Variants in NOX4 observed in about 807,000 individuals in gnomAD.
The protein encoded by NOX4 is NADPH oxidase 4.
NOX4 carries 69 observed loss-of-function variants against 87.6 expected under a neutral mutation model. That is an observed-to-expected ratio of 0.79 (90% CI 0.65 to 0.96). The LOEUF (loss-of-function observed/expected upper bound fraction) is 0.96. Among genes scored for constraint, NOX4 ranks in the 40% least tolerant of loss-of-function variants. The pLI is 0.00. For missense variants in NOX4, 680 were observed against 681.5 expected, an observed-to-expected ratio of 1.00 and a Z score of 0.02; for synonymous variants, 275 against 238.2, an observed-to-expected ratio of 1.15 and a Z score of -1.42.
the NOX4 span, among the ~76,000 whole-genome samples, chr11:89,511,745 C>G: frequency 2.0e-5 from 3 of 151,932 alleles, no homozygotes; most frequent in South Asian, 6.2e-4. Context: ...AATTATTTTT[C>G]AGGTTTCTTG....
At chr11:89,367,292 A>T (rs1318759545) in intron 12 of NOX4, among the ~76,000 whole-genome samples, 1 of 152,104 alleles carries the variant, frequency 6.6e-6, no homozygotes, top group Non-Finnish European at 1.5e-5. Context: ...GCTGCTAATC[A>T]CAAGCCAGAT....
At chr11:89,517,307 T>G in the NOX4 span, among the ~76,000 whole-genome samples, 1 of 152,026 alleles carries the variant, frequency 6.6e-6, no homozygotes, top group Non-Finnish European at 1.5e-5. Context: ...GATTATCGAG[T>G]TTTTAAGTTC....
At chr11:89,552,322 T>A in the NOX4 span, among the ~76,000 whole-genome samples, 3 of 152,206 alleles carry the variant, frequency 2.0e-5, no homozygotes, top group African/African-American at 7.2e-5. Context: ...CATATTTTTA[T>A]CTGCTGTACT....
At chr11:89,561,023 TACACACACAC>T in the NOX4 span, among the ~76,000 whole-genome samples, 1 of 71,314 alleles carries the variant, frequency 1.4e-5, no homozygotes, top group African/African-American at 5.8e-5. Flanking sequence ...TATATATACA[TACACACACAC>T]ATACACATAT....
At chr11:89,587,168 C>T in the NOX4 span, among the ~76,000 whole-genome samples, 1 of 151,926 alleles carries the variant, frequency 6.6e-6, no homozygotes. Context: ...AGAATGAATT[C>T]AAGACAAATG....
chr11:89,411,583 C>T (rs888554259), intron 8 of NOX4, among the ~76,000 whole-genome samples: 4 of 151,932 alleles, frequency 2.6e-5, no homozygotes, highest in African/African-American at 7.3e-5. Flanking sequence ...GCAGTAGCTA[C>T]GCAGTACCTC....
intron 8 of NOX4, among the ~76,000 whole-genome samples, chr11:89,421,595 C>A (rs1337335613): frequency 6.6e-6 from 1 of 152,038 alleles, no homozygotes; most frequent in Non-Finnish European, 1.5e-5. Context: ...TGATGTTCTT[C>A]ATTCTTAAAT....
intron 2 of NOX4, among the ~76,000 whole-genome samples, chr11:89,453,013 C>T (rs1565312185): frequency 6.6e-6 from 1 of 150,800 alleles, no homozygotes; most frequent in Non-Finnish European, 1.5e-5. Context: ...CACTGGAGTA[C>T]AGCCTGGGTG....
chr11:89,378,888 T>C (rs1246251215), intron 11 of NOX4, among the ~76,000 whole-genome samples: 2 of 152,198 alleles, frequency 1.3e-5, no homozygotes, highest in Non-Finnish European at 2.9e-5. Context: ...CCACAATTAA[T>C]GCAACATCAT....
At chr11:89,359,516 A>T (rs899272651) in intron 12 of NOX4, among the ~76,000 whole-genome samples, 2 of 151,566 alleles carry the variant, frequency 1.3e-5, no homozygotes, top group Admixed American at 1.3e-4. Flanking sequence ...ACCTCTTACC[A>T]CTACAAAAAA....
intron 2 of NOX4, among the ~76,000 whole-genome samples, chr11:89,477,201 T>C (rs977749621): frequency 3.9e-5 from 6 of 152,204 alleles, no homozygotes. Context: ...TGAGCCTGTT[T>C]GCCTGAAACT....
intron 2 of NOX4, among the ~76,000 whole-genome samples, chr11:89,486,569 CATAT>C (rs1196921823): frequency 6.6e-5 from 8 of 120,618 alleles, no homozygotes; most frequent in Admixed American, 4.9e-4. Context: ...TGTATATATA[CATAT>C]ATATGTGTGT....
intron 2 of NOX4, among the ~76,000 whole-genome samples, chr11:89,460,423 G>T (rs1309840408): frequency 6.6e-6 from 1 of 152,116 alleles, no homozygotes; most frequent in Admixed American, 6.5e-5. Context: ...CTGACAAAGG[G>T]CTAATATCCA....
the NOX4 span, among the ~76,000 whole-genome samples, chr11:89,561,155 T>C: frequency 3.6e-5 from 5 of 138,820 alleles, no homozygotes; most frequent in Admixed American, 3.0e-4. Context: ...CCACCTCTCT[T>C]TCAAAGTTTG....
the NOX4 span, among the ~76,000 whole-genome samples, chr11:89,575,188 A>C: frequency 6.6e-6 from 1 of 152,192 alleles, no homozygotes; most frequent in Non-Finnish European, 1.5e-5. Context: ...CATCTAAAAA[A>C]AAAAAAAAGA....
intron 17 of NOX4, among the ~76,000 whole-genome samples, chr11:89,328,537 C>A (rs1258183643): frequency 6.6e-6 from 1 of 152,048 alleles, no homozygotes; most frequent in Non-Finnish European, 1.5e-5. Context: ...ACAAGTCCAA[C>A]ACTATTAAAA....
the NOX4 span, among the ~76,000 whole-genome samples, chr11:89,531,809 G>A: frequency 6.6e-6 from 1 of 152,236 alleles, no homozygotes. Context: ...GGGAAAAACA[G>A]TTTTCTGGGC....
chr11:89,582,075 A>G, the NOX4 span, among the ~76,000 whole-genome samples: 54 of 152,102 alleles, frequency 3.6e-4, no homozygotes, highest in African/African-American at 1.2e-3. Flanking sequence ...CTCTTGTTCT[A>G]TTAGGTTGAC....
the NOX4 span, among the ~76,000 whole-genome samples, chr11:89,526,703 C>T: frequency 6.6e-6 from 1 of 152,106 alleles, no homozygotes; most frequent in African/African-American, 2.4e-5. Flanking sequence ...AAAGAAGTGC[C>T]TTGCTTCCCA....
Sources: allele counts gnomAD v4.1 joint callset (sites outside exome capture counted in the v4.1 genomes callset), GRCh38; gene constraint gnomAD v4.1.1; transcripts MANE v1.5; gene names NCBI Gene and HGNC (gene_info 2026-07-23, HGNC 2026-07-21).